The following SV2B variants were observed in gnomAD, a reference collection of about 807,000 sequenced individuals.
SV2B encodes the protein solute carrier family 22 member B2.
A neutral mutation model predicts 73.9 loss-of-function variants in SV2B; 41 were observed. The observed-to-expected ratio is 0.56, with a 90% CI of 0.43 to 0.72. The LOEUF is 0.72. Ranked by LOEUF, SV2B falls within the 30% of genes least tolerant of loss-of-function variation. The pLI is 0.00. For missense variants in SV2B, 764 were observed against 857.8 expected, an observed-to-expected ratio of 0.89 and a Z score of 1.37; for synonymous variants, 314 against 314.2, an observed-to-expected ratio of 1.00 and a Z score of 0.01.
chr15:91,163,616 A>T (rs1596501746), intron 1 of SV2B, among the ~76,000 whole-genome samples: 2 of 151,856 alleles, frequency 1.3e-5, no homozygotes, highest in East Asian at 3.9e-4. Context: ...GGGTTGTTTG[A>T]TTTATTCTTG....
intron 2 of SV2B, among the ~76,000 whole-genome samples, chr15:91,246,202 C>T (rs1442340194): frequency 6.6e-6 from 1 of 152,078 alleles, no homozygotes; most frequent in African/African-American, 2.4e-5. Flanking sequence ...AAAGGGCATA[C>T]TACTAAAAAT....
In SV2B at chr15:91,123,079, T is replaced by C. The variant is rs2042382797; in HGVS notation, c.-392+22716T>C. On this transcript the variant is annotated intron_variant, in intron 1 of 12. Coordinates refer to ENST00000394232, the MANE Select transcript of SV2B (RefSeq NM_001323032.3). The surrounding 1 kb of genome is among the most constrained non-coding windows in gnomAD (Gnocchi z 4.7). ...TGAGCTCAGGAGTTTGAGACCAGCC[T>C]GGCCAACATGGCAAAACCCTGTTTC... Among the ~76,000 whole-genome samples, 2 of 152,028 alleles carry C rather than the reference T, an allele frequency of 1.3e-5. No homozygotes were observed.
At position 91,140,253 on chromosome 15, in the gene SV2B, ACAT is replaced by A. The variant is rs2042960838; in HGVS notation, c.-392+39891_-392+39893del. On this transcript the variant is annotated intron_variant, in intron 1 of 12. Coordinates refer to ENST00000394232, the MANE Select transcript of SV2B (RefSeq NM_001323032.3). The surrounding 1 kb of genome is among the most constrained non-coding windows in gnomAD (Gnocchi z 4.4). ...AGTAATAGCAGCTAGGAACAAAGTTACATTTTCTCAAGCCTTGACATTTTAACA... is the reference window on the plus strand; with the variant it reads ...AGTAATAGCAGCTAGGAACAAAGTTATTTCTCAAGCCTTGACATTTTAACA... Among the ~76,000 whole-genome samples the A allele has an allele frequency of 5.3e-5, 8 of 152,380 alleles. No individual in the cohort carries two copies. In the South Asian group the frequency reaches 1.7e-3, roughly 32 times the overall value.
rs1310510627 is a variant in SV2B at position 91,258,761 on chromosome 15, T to C, written c.918+207T>C. On this transcript the variant is annotated intron_variant, in intron 5 of 12. Transcript: ENST00000394232. The surrounding 1 kb of genome is among the most constrained non-coding windows in gnomAD (Gnocchi z 4.7). ...TCATGGATTCACGGACTGCAAATGC[T>C]GGATGGTTCAAGAGCTTGTGGAGCC... 2.0e-5 allele frequency among the ~76,000 whole-genome samples: 3 copies of C among 152,084 alleles called. No individual in the cohort carries two copies. Among genetic ancestry groups the C allele is most frequent in the Admixed American group, 2.0e-4 (3 of 15,276 alleles).
chr15:91,169,081 G>C (rs1245743215), intron 1 of SV2B, among the ~76,000 whole-genome samples: 1 of 152,138 alleles, frequency 6.6e-6, no homozygotes, highest in Non-Finnish European at 1.5e-5. Context: ...TACATTTGAT[G>C]ATGAGGAGGT....
rs2044802513 is a variant in SV2B, at chr15:91,187,121, G to C, written c.-391-38752G>C. ...ACCGGCAGGCAGTAACATTTCACGG[G>C]TGTTCATTCCTGGATGTGTGAACAC... On this transcript the variant is annotated intron_variant, in intron 1 of 12. Coordinates refer to ENST00000394232, the MANE Select transcript of SV2B (RefSeq NM_001323032.3). Among the ~76,000 whole-genome samples, 2 of 152,140 alleles carry C rather than the reference G, an allele frequency of 1.3e-5. 1 individual carries two copies. Among genetic ancestry groups the C allele is most frequent in the South Asian group, 4.1e-4 (2 of 4,822 alleles).
At chr15:91,152,069 CTCTTTTTTTTTTTTTTTGCCAAAGAGT>C (rs1032774307) in intron 1 of SV2B, among the ~76,000 whole-genome samples, 1 of 103,410 alleles carries the variant, frequency 9.7e-6, no homozygotes, top group Non-Finnish European at 1.9e-5. Flanking sequence ...TTAATTTTTA[CTCTTTTTTTTTTTTTTTGCCAAAGAGT>C]GAGCAGCAGC....
At position 91,130,877 on chromosome 15, in the gene SV2B, A is replaced by G. The variant is rs539063352; in HGVS notation, c.-392+30514A>G. On this transcript the variant is annotated intron_variant, in intron 1 of 12. Transcript: ENST00000394232. This position sits in a 1 kb window ranked among gnomAD's most constrained non-coding sequence, Gnocchi z 5.6. Reference sequence around the variant, plus strand: ...TGATATTTTAGTATTTTTACAGGGTAAAAAATGAGAGTGTGAGGAGAAGGA... The same window carrying G: ...TGATATTTTAGTATTTTTACAGGGTGAAAAATGAGAGTGTGAGGAGAAGGA... Among the ~76,000 whole-genome samples, 2 of 152,258 alleles carry G rather than the reference A, an allele frequency of 1.3e-5. No homozygotes were observed. Among genetic ancestry groups the G allele is most frequent in the South Asian group, 4.1e-4 (2 of 4,820 alleles).
chr15:91,206,999 A>G (rs1268679947), intron 1 of SV2B, among the ~76,000 whole-genome samples: 1 of 152,104 alleles, frequency 6.6e-6, no homozygotes, highest in East Asian at 1.9e-4. Flanking sequence ...GACTGAGGGC[A>G]AGATGAAAGA....
At chr15:91,238,850 G>T (rs1218213327) in intron 2 of SV2B, among the ~76,000 whole-genome samples, 1 of 152,110 alleles carries the variant, frequency 6.6e-6, no homozygotes, top group East Asian at 1.9e-4. Flanking sequence ...AGAGCACAAA[G>T]AATTTCCCGC....
rs2041850680 is a variant in SV2B, at chr15:91,105,245, A to G, written c.-392+4882A>G. ...GGTGATTAAGGAATGTTGAGCAGGG[A>G]AAGGAAGATGGGGGGTGCCTTGTTG... is the stretch of plus-strand genomic sequence containing the variant. On this transcript the variant is annotated intron_variant, in intron 1 of 12. Coordinates refer to ENST00000394232, the MANE Select transcript of SV2B (RefSeq NM_001323032.3). The surrounding 1 kb of genome is among the most constrained non-coding windows in gnomAD (Gnocchi z 5.5). 6.6e-6 allele frequency among the ~76,000 whole-genome samples: 1 copy of G among 152,182 alleles called. No homozygotes were observed. The highest frequency in any genetic ancestry group is 1.5e-5 in the Non-Finnish European group (1 of 68,020).
rs2047513747 is a variant in SV2B at position 91,252,224 on chromosome 15, A to G, written c.633-145A>G. 8.3e-7 allele frequency: 1 copy of G among 1,211,984 alleles called. No homozygotes were observed. The highest frequency in any genetic ancestry group is 2.4e-5 in the Admixed American group (1 of 41,986). 75.1% of individuals were successfully genotyped at this position (1,211,984 alleles called of 1,614,324 possible). A position where few individuals can be genotyped will look rare whatever the true frequency, so the allele number is the denominator to read the frequency against. Reference sequence around the variant, plus strand: ...TAATCCAAGACTGCTTCCCACATGTAGAGAGGAACTAACTGGCCGGTCTCT... The same window carrying G: ...TAATCCAAGACTGCTTCCCACATGTGGAGAGGAACTAACTGGCCGGTCTCT... On this transcript the variant is annotated intron_variant, in intron 3 of 12. Transcript: ENST00000394232. The surrounding 1 kb of genome is among the most constrained non-coding windows in gnomAD (Gnocchi z 4.6).
chr15:91,119,760 T>C (rs1398740599), intron 1 of SV2B, among the ~76,000 whole-genome samples: 3 of 152,250 alleles, frequency 2.0e-5, no homozygotes, highest in Non-Finnish European at 4.4e-5. Flanking sequence ...ATGAGTATTA[T>C]CCTTAGAAGG....
intron 1 of SV2B, among the ~76,000 whole-genome samples, chr15:91,203,063 C>T (rs892911529): frequency 2.0e-5 from 3 of 152,178 alleles, no homozygotes; most frequent in African/African-American, 7.2e-5. Flanking sequence ...CTTATTACTG[C>T]ATTATTTAAT....
At chr15:91,228,699 A>G (rs374751401) in intron 2 of SV2B, among the ~76,000 whole-genome samples, 3 of 152,290 alleles carry the variant, frequency 2.0e-5, no homozygotes, top group South Asian at 2.1e-4. Flanking sequence ...AGGTTTTTGT[A>G]ATTTTGCTTT....
intron 1 of SV2B, among the ~76,000 whole-genome samples, chr15:91,200,241 T>C (rs1596568670): frequency 6.6e-6 from 1 of 152,348 alleles, no homozygotes; most frequent in East Asian, 1.9e-4. Context: ...TCAAGCAGGT[T>C]TGTTCTGCCA....
chr15:91,132,165 G>A lies in SV2B; in HGVS notation c.-392+31802G>A, dbSNP rs751950477. Among the ~76,000 whole-genome samples, 2 of 152,164 alleles carry A rather than the reference G, an allele frequency of 1.3e-5. No homozygotes were observed. Among genetic ancestry groups the A allele is most frequent in the African/African-American group, 2.4e-5 (1 of 41,428 alleles). ...AATGAAAGTACACTCCAGTGTGGCCGCAGACCCCAGCAGCGGCTCAAGAGC... is the reference window on the plus strand; with the variant it reads ...AATGAAAGTACACTCCAGTGTGGCCACAGACCCCAGCAGCGGCTCAAGAGC... On this transcript the variant is annotated intron_variant, in intron 1 of 12. Coordinates refer to ENST00000394232, the MANE Select transcript of SV2B (RefSeq NM_001323032.3). The surrounding 1 kb of genome is among the most constrained non-coding windows in gnomAD (Gnocchi z 4.6).
rs551547958 is a variant in SV2B, at chr15:91,252,633, T to C, written c.784+113T>C. On this transcript the variant is annotated intron_variant, in intron 4 of 12. Transcript: ENST00000394232. This position sits in a 1 kb window ranked among gnomAD's most constrained non-coding sequence, Gnocchi z 4.6. ...TGTACTCACGCACAGTTCCCGTACG[T>C]GACCTTGATCTTTCTTAACAACTTC... The C allele has an allele frequency of 2.6e-6, 3 of 1,143,668 alleles. No homozygotes were observed. Among genetic ancestry groups the C allele is most frequent in the East Asian group, 3.1e-5 (1 of 32,316 alleles). The allele number at this position is 1,143,668 out of a possible 1,614,324, so 70.8% of individuals were successfully genotyped here.
rs1489825512 is a variant in SV2B at position 91,124,621 on chromosome 15, G to A, written c.-392+24258G>A. ...TGCTATAACAAAACACCATGGAACG[G>A]GTGATCTAAACAACAGAAATTTCTT... On this transcript the variant is annotated intron_variant, in intron 1 of 12. Coordinates refer to ENST00000394232, the MANE Select transcript of SV2B (RefSeq NM_001323032.3). This position sits in a 1 kb window ranked among gnomAD's most constrained non-coding sequence, Gnocchi z 4.6. Among the ~76,000 whole-genome samples the A allele has an allele frequency of 1.3e-5, 2 of 152,008 alleles. No individual in the cohort carries two copies. The highest frequency in any genetic ancestry group is 3.2e-3 in the Middle Eastern group (1 of 316).
Sources: allele counts gnomAD v4.1 joint callset (sites outside exome capture counted in the v4.1 genomes callset), GRCh38; gene constraint gnomAD v4.1.1; non-coding constraint Gnocchi (gnomAD v3.1); transcripts MANE v1.5; gene names NCBI Gene and HGNC (gene_info 2026-07-23, HGNC 2026-07-21).